Variants in PGPEP1L observed in about 807,000 individuals in gnomAD.
PGPEP1L encodes pyroglutamyl-peptidase I like, also known as pyroglutamyl-peptidase 1-like protein.
Under a neutral mutation model 6.0 loss-of-function variants are expected in PGPEP1L, and 7 were observed. The observed-to-expected ratio is 1.17, with a 90% CI of 0.66 to 2.19. The LOEUF (loss-of-function observed/expected upper bound fraction) is 2.19. PGPEP1L is among the 30% of genes most tolerant of loss of function. PGPEP1L has a pLI of 0.00. For synonymous variants in PGPEP1L, 103 were observed against 83.9 expected, an observed-to-expected ratio of 1.23 and a Z score of -1.24; for missense variants, 209 against 192.5, an observed-to-expected ratio of 1.09 and a Z score of -0.51.
Position 98,971,142 on chromosome 15 carries a change from C to T in PGPEP1L, c.-125G>A. The T allele has an allele frequency of 6.2e-7, 1 of 1,602,550 alleles. No homozygotes were observed. The highest frequency in any genetic ancestry group is 1.4e-5 in the African/African-American group (1 of 73,822). ...CTGCACCACTGTTTCATTCCCCAGGCCCAGCTTGGAGAGCTCCTGAGGAAA... is the reference window on the plus strand; with the variant it reads ...CTGCACCACTGTTTCATTCCCCAGGTCCAGCTTGGAGAGCTCCTGAGGAAA... On this transcript the variant is annotated 5_prime_UTR_variant, in exon 3 of 5. Transcript: ENST00000535714.
intron 2 of PGPEP1L, among the ~76,000 whole-genome samples, chr15:98,981,322 C>G (rs1567237362): frequency 3.3e-5 from 5 of 151,992 alleles, no homozygotes; most frequent in Admixed American, 6.5e-5. Flanking sequence ...GAAACCCCGT[C>G]TCCACTAAAA....
At chr15:98,988,789 G>A (rs1555471757) in intron 2 of PGPEP1L, among the ~76,000 whole-genome samples, 2 of 152,200 alleles carry the variant, frequency 1.3e-5, no homozygotes, top group East Asian at 3.8e-4. Context: ...GCTTCAGGCG[G>A]CAATCTTTGC....
chr15:98,969,795 T>TC, intron 3 of PGPEP1L, 144 bp from the exon 4 acceptor site: 1 of 754,710 alleles, frequency 1.3e-6, no homozygotes, highest in Admixed American at 2.4e-5. Context: ...AACCCCAGGA[T>TC]CCCCCACCAG....
chr15:98,970,979 G>A, intron 3 of PGPEP1L, 57 bp downstream of exon 3: 1 of 1,603,796 alleles, frequency 6.2e-7, no homozygotes, highest in Non-Finnish European at 8.5e-7. Flanking sequence ...CGGGGGTTCA[G>A]AGGCTCCAGC....
chr15:98,978,573 CTG>C (rs1258828229), intron 2 of PGPEP1L, among the ~76,000 whole-genome samples: 3 of 151,894 alleles, frequency 2.0e-5, no homozygotes, highest in East Asian at 3.9e-4. Flanking sequence ...CCAAAAAAAA[CTG>C]TGTAGAACGG....
chr15:98,987,029 T>G (rs573976761), intron 2 of PGPEP1L, among the ~76,000 whole-genome samples: 5 of 151,714 alleles, frequency 3.3e-5, no homozygotes, highest in Non-Finnish European at 7.4e-5. Flanking sequence ...TAGCTGGGTG[T>G]GGTGGCATGC....
intron 2 of PGPEP1L, among the ~76,000 whole-genome samples, chr15:98,991,282 A>T (rs2017816264): frequency 6.6e-6 from 1 of 152,256 alleles, no homozygotes; most frequent in Admixed American, 6.5e-5. Flanking sequence ...GGATATCACC[A>T]CCAATCCCAC....
At chr15:99,000,654 G>C (rs1449346461) in intron 2 of PGPEP1L, among the ~76,000 whole-genome samples, 2 of 152,110 alleles carry the variant, frequency 1.3e-5, no homozygotes, top group Non-Finnish European at 2.9e-5. Context: ...GAGAACCTTT[G>C]TATCCACACT....
chr15:98,984,386 G>A (rs748448583), intron 2 of PGPEP1L, among the ~76,000 whole-genome samples: 1 of 152,110 alleles, frequency 6.6e-6, no homozygotes, highest in Non-Finnish European at 1.5e-5. Context: ...GGAGAATGCA[G>A]GAGGATAGAA....
rs186093842 is a variant in PGPEP1L, at chr15:99,002,639, A to G, written c.-142+2790T>C. ...TCTGTACACTTCTTGGCAAATTCCTATATTTATTTCAAAATAAAAAGTTTT... is the reference window on the plus strand; with the variant it reads ...TCTGTACACTTCTTGGCAAATTCCTGTATTTATTTCAAAATAAAAAGTTTT... On this transcript the variant is annotated intron_variant, in intron 2 of 4. Transcript: ENST00000535714. Among the ~76,000 whole-genome samples the G allele has an allele frequency of 2.9e-3, 330 of 113,326 alleles. 3 individuals carry two copies. In the East Asian group the frequency reaches 0.037, roughly 13 times the overall value. 74.3% of individuals were successfully genotyped at this position (113,326 alleles called of 152,430 possible). A position where few individuals can be genotyped will look rare whatever the true frequency, so the allele number is the denominator to read the frequency against.
chr15:99,006,162 C>T (rs116777091), intron 1 of PGPEP1L, among the ~76,000 whole-genome samples: 1,682 of 152,328 alleles, frequency 0.011, 39 homozygotes, highest in African/African-American at 0.039. Flanking sequence ...GCTCAGGTTT[C>T]CTGTTTTGAG....
chr15:98,985,890 C>G (rs1262782241), intron 2 of PGPEP1L, among the ~76,000 whole-genome samples: 3 of 152,224 alleles, frequency 2.0e-5, no homozygotes, highest in Non-Finnish European at 4.4e-5. Context: ...CTGCTTCCAC[C>G]AGGCAGCCTT....
chr15:98,978,362 T>G (rs937402241), intron 2 of PGPEP1L, among the ~76,000 whole-genome samples: 4 of 152,146 alleles, frequency 2.6e-5, no homozygotes, highest in African/African-American at 9.7e-5. Flanking sequence ...GATGTCAGTG[T>G]AGAGTCCAGG....
intron 2 of PGPEP1L, 148 bp from the exon 3 acceptor site, chr15:98,971,306 C>T: frequency 8.7e-7 from 1 of 1,146,872 alleles, no homozygotes; most frequent in Non-Finnish European, 1.2e-6. Context: ...CACAAAGTGG[C>T]AAGGGGCCAA....
At chr15:99,000,078 G>A (rs113105840) in intron 2 of PGPEP1L, among the ~76,000 whole-genome samples, 2,684 of 152,354 alleles carry the variant, frequency 0.018, 40 homozygotes, top group Non-Finnish European at 0.025. Context: ...CCGGGGCTGC[G>A]TGCAGTGCTT....
intron 2 of PGPEP1L, among the ~76,000 whole-genome samples, chr15:99,004,195 G>A (rs1316299415): frequency 6.7e-6 from 1 of 150,308 alleles, no homozygotes; most frequent in Non-Finnish European, 1.5e-5. Context: ...TTCAGCCCGG[G>A]AGTTAGAGAC....
intron 2 of PGPEP1L, among the ~76,000 whole-genome samples, chr15:98,982,424 A>G (rs537169337): frequency 6.6e-6 from 1 of 152,360 alleles, no homozygotes; most frequent in East Asian, 1.9e-4. Flanking sequence ...CCAAGGCCAG[A>G]GTGAACTGTG....
At chr15:98,990,112 A>C (rs2017799320) in intron 2 of PGPEP1L, among the ~76,000 whole-genome samples, 1 of 152,180 alleles carries the variant, frequency 6.6e-6, no homozygotes, top group South Asian at 2.1e-4. Flanking sequence ...TAATGACAGG[A>C]TCAAATTCAC....
intron 2 of PGPEP1L, among the ~76,000 whole-genome samples, chr15:99,002,841 T>C (rs2017993222): frequency 6.8e-6 from 1 of 146,336 alleles, no homozygotes; most frequent in East Asian, 1.9e-4. Flanking sequence ...TTTCCACCTC[T>C]GATTCCTGTG....
Sources: allele counts gnomAD v4.1 joint callset (sites outside exome capture counted in the v4.1 genomes callset), GRCh38; gene constraint gnomAD v4.1.1; transcripts MANE v1.5; gene names NCBI Gene and HGNC (gene_info 2026-07-23, HGNC 2026-07-21).